The following GSG1L variants were observed in gnomAD, a reference collection of about 807,000 sequenced individuals.
GSG1L encodes the protein GSG1 like.
A neutral mutation model predicts 42.1 loss-of-function variants in GSG1L; 24 were observed. The observed-to-expected ratio is 0.57, with a 90% CI of 0.41 to 0.80. The LOEUF is 0.80. GSG1L is among the 30% of genes least tolerant of loss of function. The pLI is 0.00. For synonymous variants in GSG1L, 215 were observed against 203.5 expected (o/e 1.06, Z -0.48); for missense variants, 445 against 472.2 (o/e 0.94, Z 0.53).
At chr16:27,858,366 G>GA (rs1162325110) in intron 3 of GSG1L, among the ~76,000 whole-genome samples, 3 of 152,048 alleles carry the variant, frequency 2.0e-5, no homozygotes, top group Non-Finnish European at 2.9e-5. Context: ...CACCCTATTT[G>GA]AAAAAAGAGA....
At chr16:27,975,469 G>A (rs1253384872) in intron 1 of GSG1L, among the ~76,000 whole-genome samples, 1 of 152,050 alleles carries the variant, frequency 6.6e-6, no homozygotes, top group East Asian at 1.9e-4. Context: ...CCACCATCAC[G>A]CTCTGAAATT....
At position 27,789,150 on chromosome 16, in the gene GSG1L, T is replaced by C. The variant is rs983578881; in HGVS notation, c.*2220A>G. On this transcript the variant is annotated 3_prime_UTR_variant, in exon 7 of 7. Transcript: ENST00000447459. ...ATGGATAGATGGATGGATGAATGGA[T>C]GGATAATTGATGGATGATGGATAGA... 10 of 152,044 alleles carry C rather than the reference T, an allele frequency of 6.6e-5. No individual in the cohort carries two copies. Among genetic ancestry groups the C allele is most frequent in the African/African-American group, 2.4e-4 (10 of 41,410 alleles). 9.4% of individuals were successfully genotyped at this position (152,044 alleles called of 1,614,324 possible). A position where few individuals can be genotyped will look rare whatever the true frequency, so the allele number is the denominator to read the frequency against.
chr16:27,961,276 C>T (rs1456708012), intron 2 of GSG1L, among the ~76,000 whole-genome samples: 1 of 152,244 alleles, frequency 6.6e-6, no homozygotes, highest in Non-Finnish European at 1.5e-5. Flanking sequence ...ACCCGGGACA[C>T]ACGCACACAT....
intron 1 of GSG1L, among the ~76,000 whole-genome samples, chr16:28,010,308 G>T (rs1021122978): frequency 6.6e-6 from 1 of 152,192 alleles, no homozygotes; most frequent in Non-Finnish European, 1.5e-5. Context: ...TCAGGAGGGA[G>T]TCAACCACCA....
At chr16:27,814,511 A>C (rs1164508939) in intron 5 of GSG1L, among the ~76,000 whole-genome samples, 1 of 152,086 alleles carries the variant, frequency 6.6e-6, no homozygotes, top group East Asian at 1.9e-4. Context: ...AAGTATTGTA[A>C]ATAATGCAAG....
At chr16:27,923,464 G>T (rs62033481) in intron 2 of GSG1L, among the ~76,000 whole-genome samples, 1 of 152,208 alleles carries the variant, frequency 6.6e-6, no homozygotes, top group Admixed American at 6.5e-5. Flanking sequence ...TGCCAAAAAC[G>T]CCAGGCAAAG....
chr16:27,974,710 G>A lies in GSG1L; in HGVS notation c.350-11507C>T, dbSNP rs572683390. Among the ~76,000 whole-genome samples the A allele has an allele frequency of 5.3e-5, 8 of 152,224 alleles. No individual in the cohort carries two copies. The East Asian group carries it at 1.5e-3, about 29-fold the overall frequency. ...ACTTAAATCTCAGCCTCAACTCAAG[G>A]TCACCAACTCAAGCCTTCTCAATGA... On this transcript the variant is annotated intron_variant, in intron 1 of 6. Coordinates refer to ENST00000447459, the MANE Select transcript of GSG1L (RefSeq NM_001109763.2).
chr16:28,011,926 G>A (rs1190366160), intron 1 of GSG1L, among the ~76,000 whole-genome samples: 1 of 152,108 alleles, frequency 6.6e-6, no homozygotes, highest in Non-Finnish European at 1.5e-5. Flanking sequence ...AGTGAGCACA[G>A]CCAACTCTGC....
intron 2 of GSG1L, among the ~76,000 whole-genome samples, chr16:27,951,215 G>C (rs2084947744): frequency 1.3e-5 from 2 of 152,160 alleles, no homozygotes; most frequent in South Asian, 4.1e-4. Context: ...CAATGGCCAG[G>C]CATCATAGGA....
intron 1 of GSG1L, among the ~76,000 whole-genome samples, chr16:27,970,467 G>A (rs1008413856): frequency 2.6e-5 from 4 of 151,936 alleles, no homozygotes; most frequent in Non-Finnish European, 5.9e-5. Context: ...AGCTACTTGG[G>A]AGGCTGAGGC....
At chr16:28,005,708 A>T (rs879642093) in intron 1 of GSG1L, among the ~76,000 whole-genome samples, 12 of 152,082 alleles carry the variant, frequency 7.9e-5, no homozygotes, top group Admixed American at 7.9e-4. Context: ...CTATTCCTAA[A>T]ATAGGCATAA....
At chr16:27,955,541 GA>G (rs1277253905) in intron 2 of GSG1L, among the ~76,000 whole-genome samples, 3 of 152,064 alleles carry the variant, frequency 2.0e-5, no homozygotes, top group Non-Finnish European at 2.9e-5. Context: ...GAAGACAAGG[GA>G]GCAGCCAATC....
chr16:27,948,609 CT>C (rs202151239), intron 2 of GSG1L, among the ~76,000 whole-genome samples: 1,579 of 116,614 alleles, frequency 0.014, 77 homozygotes, highest in Admixed American at 0.11. Flanking sequence ...TCTTCTTCTT[CT>C]TTTTTTTTTT....
chr16:27,946,584 AGAG>A (rs1567529763), intron 2 of GSG1L, among the ~76,000 whole-genome samples: 489 of 22,498 alleles, frequency 0.022, 2 homozygotes, highest in Admixed American at 0.026. Context: ...AAAGAAAGAG[AGAG>A]AGAGAGAGAG....
At chr16:27,872,930 T>A (rs2083840644) in intron 3 of GSG1L, among the ~76,000 whole-genome samples, 1 of 152,192 alleles carries the variant, frequency 6.6e-6, no homozygotes, top group African/African-American at 2.4e-5. Context: ...TAAGTATCCT[T>A]AATTGAGCAG....
At chr16:27,888,433 TTTCTTTCTTTC>T (rs2084060038) in intron 2 of GSG1L, among the ~76,000 whole-genome samples, 1 of 21,972 alleles carries the variant, frequency 4.6e-5, no homozygotes, top group East Asian at 9.6e-4. Flanking sequence ...TCTTTCTTTC[TTTCTTTCTTTC>T]TTTCTTTCTT....
At chr16:27,995,253 C>T (rs1005136209) in intron 1 of GSG1L, among the ~76,000 whole-genome samples, 11 of 152,146 alleles carry the variant, frequency 7.2e-5, no homozygotes, top group Admixed American at 3.3e-4. Context: ...TTCTCAGACA[C>T]GAACGCCCTT....
At chr16:27,934,323 C>G (rs1337177152) in intron 2 of GSG1L, among the ~76,000 whole-genome samples, 1 of 152,176 alleles carries the variant, frequency 6.6e-6, no homozygotes, top group Non-Finnish European at 1.5e-5. Context: ...GTGGGAGGAT[C>G]ACCTGAGGTC....
At chr16:27,840,547 G>A (rs570161678) in intron 4 of GSG1L, among the ~76,000 whole-genome samples, 1 of 152,276 alleles carries the variant, frequency 6.6e-6, no homozygotes, top group East Asian at 1.9e-4. Flanking sequence ...CACTCACCGA[G>A]CAAACTCTGT....
Sources: gnomAD v4.1 joint callset for allele counts (sites outside exome capture counted in the v4.1 genomes callset) on GRCh38, gnomAD v4.1.1 for gene constraint, MANE v1.5 for transcripts, NCBI Gene and HGNC (gene_info 2026-07-23, HGNC 2026-07-21) for gene names.